The following GNAS variants were observed in gnomAD, a reference collection of about 807,000 sequenced individuals.
The protein encoded by GNAS is protein ALEX.
Under a neutral mutation model 54.5 loss-of-function variants are expected in GNAS, and 8 were observed. The ratio of observed to expected loss-of-function variants is 0.15; its 90% CI spans 0.09 to 0.26. The LOEUF is 0.26. Ranked by LOEUF, GNAS falls within the 10% of genes least tolerant of loss-of-function variation. GNAS has a pLI of 1.00. For missense variants in GNAS, 170 were observed against 529.8 expected, an observed-to-expected ratio of 0.32 and a Z score of 6.67; for synonymous variants, 204 against 191.4, an observed-to-expected ratio of 1.07 and a Z score of -0.54.
At chr20:58,893,872 G>A (rs1250647146) in intron 1 of GNAS, among the ~76,000 whole-genome samples, 4 of 152,240 alleles carry the variant, frequency 2.6e-5, no homozygotes, top group Non-Finnish European at 4.4e-5. Context: ...TGATCACAAA[G>A]TCTCCACTTA....
chr20:58,887,381 T>C (rs1234134527), upstream of GNAS, among the ~76,000 whole-genome samples: 6 of 152,204 alleles, frequency 3.9e-5, no homozygotes, highest in African/African-American at 1.4e-4. Flanking sequence ...CAGCCAGGAA[T>C]TTTTAATTTA....
intron 1 of GNAS, among the ~76,000 whole-genome samples, chr20:58,846,369 T>C (rs762929596): frequency 1.3e-5 from 2 of 152,168 alleles, no homozygotes; most frequent in Non-Finnish European, 2.9e-5. Flanking sequence ...AAGCCAAATA[T>C]GGCATTGGAG....
chr20:58,907,335 G>GCCCCTATGGGCC (rs1291480852), intron 6 of GNAS, among the ~76,000 whole-genome samples: 1 of 152,074 alleles, frequency 6.6e-6, no homozygotes, highest in Non-Finnish European at 1.5e-5. Context: ...GGTCCCTATG[G>GCCCCTATGGGCC]CCCCCAGCCC....
intron 1 of GNAS, among the ~76,000 whole-genome samples, chr20:58,858,272 T>C (rs1313664248): frequency 6.6e-6 from 1 of 152,204 alleles, no homozygotes; most frequent in Non-Finnish European, 1.5e-5. Context: ...ACATGCAGAT[T>C]CATCTGTTGC....
chr20:58,901,369 G>C (rs138620728), intron 3 of GNAS, among the ~76,000 whole-genome samples: 4 of 152,260 alleles, frequency 2.6e-5, no homozygotes, highest in Non-Finnish European at 4.4e-5. Context: ...CGCACAGAGC[G>C]GTCAGGACTC....
upstream of GNAS, chr20:58,840,024 C>T (rs748024920): frequency 6.6e-7 from 1 of 1,520,070 alleles, no homozygotes; most frequent in Non-Finnish European, 9.0e-7. This position sits in a 1 kb window ranked among gnomAD's most constrained non-coding sequence, Gnocchi z 6.0. Context: ...TGTACCTTTC[C>T]CGGCTCCAGC....
chr20:58,840,353 G>T (rs2085670501), upstream of GNAS: 1 of 1,613,228 alleles, frequency 6.2e-7, no homozygotes, highest in Non-Finnish European at 8.5e-7. The surrounding 1 kb of genome is among the most constrained non-coding windows in gnomAD (Gnocchi z 6.0). Context: ...CCCCGAATCG[G>T]AATCTGACCA....
intron 1 of GNAS, among the ~76,000 whole-genome samples, chr20:58,871,254 T>C (rs6026569): frequency 0.015 from 2,335 of 152,242 alleles, 65 homozygotes; most frequent in African/African-American, 0.053. Context: ...CAGTTGTTTA[T>C]TGTTGAAAGA....
chr20:58,855,212 CA>C, intron 1 of GNAS: 1 of 1,599,670 alleles, frequency 6.3e-7, no homozygotes, highest in Non-Finnish European at 8.5e-7. Flanking sequence ...GACAGATGCG[CA>C]AAGAAGCCCT....
intron 3 of GNAS, chr20:58,903,325 G>T (rs995458097): frequency 4.5e-6 from 3 of 659,720 alleles, no homozygotes; most frequent in African/African-American, 1.8e-5. Flanking sequence ...AATCTGCCCC[G>T]ATTGGGCGTG....
At chr20:58,845,346 C>T (rs6026557) in intron 1 of GNAS, among the ~76,000 whole-genome samples, 10 of 151,882 alleles carry the variant, frequency 6.6e-5, no homozygotes, top group African/African-American at 2.4e-4. Flanking sequence ...CTCCCCTCTT[C>T]GCTTCTTCAG....
intron 1 of GNAS, chr20:58,895,251 A>G (rs573665610): frequency 2.8e-6 from 1 of 355,116 alleles, no homozygotes; most frequent in African/African-American, 2.1e-5. Flanking sequence ...ATTCAGTTTC[A>G]CAGTTTTAAC....
At chr20:58,879,722 A>C (rs2088097303) in intron 1 of GNAS, among the ~76,000 whole-genome samples, 2 of 152,196 alleles carry the variant, frequency 1.3e-5, no homozygotes, top group Admixed American at 6.5e-5. Context: ...GAAATGAAGC[A>C]GCAGGCTAGT....
At chr20:58,899,271 T>G (rs1052596702) in intron 3 of GNAS, among the ~76,000 whole-genome samples, 3 of 152,228 alleles carry the variant, frequency 2.0e-5, no homozygotes, top group African/African-American at 7.2e-5. Flanking sequence ...TGAGAATTGA[T>G]GTTTTTCCAT....
intron 1 of GNAS, among the ~76,000 whole-genome samples, chr20:58,866,270 CAGTT>C (rs1215504369): frequency 1.3e-5 from 2 of 152,100 alleles, no homozygotes; most frequent in Non-Finnish European, 2.9e-5. Flanking sequence ...TCAAGACAGA[CAGTT>C]AGATTGCAGG....
intron 3 of GNAS, among the ~76,000 whole-genome samples, chr20:58,899,189 T>C (rs548267310): frequency 1.8e-4 from 27 of 152,360 alleles, no homozygotes; most frequent in African/African-American, 6.0e-4. Context: ...TTTTTGGCCA[T>C]GCTTAAAGTA....
At chr20:58,899,643 C>T (rs895840915) in intron 3 of GNAS, among the ~76,000 whole-genome samples, 2 of 139,098 alleles carry the variant, frequency 1.4e-5, no homozygotes, top group African/African-American at 2.4e-5. Flanking sequence ...TGCATCCCCA[C>T]ACCCATCACA....
At position 58,841,341 on chromosome 20, in the gene GNAS, G is replaced by C; in HGVS notation, c.43+455G>C. 1 of 1,060,442 alleles carries C rather than the reference G, an allele frequency of 9.4e-7. No individual in the cohort carries two copies. Among genetic ancestry groups the C allele is most frequent in the Non-Finnish European group, 1.1e-6 (1 of 876,424 alleles). 65.7% of individuals were successfully genotyped at this position (1,060,442 alleles called of 1,614,324 possible). On this transcript the variant is annotated intron_variant, in intron 1 of 12. Coordinates refer to the GNAS transcript ENST00000306090. This position sits in a 1 kb window ranked among gnomAD's most constrained non-coding sequence, Gnocchi z 5.0. ...GCGCGCGCCAACTTTCACGATGTGA[G>C]AGCAGCCGCGCTGTAGAGACACCGT...
At chr20:58,889,184 G>A, upstream of GNAS, 4 of 1,215,136 alleles carry the variant, frequency 3.3e-6, no homozygotes, top group Non-Finnish European at 4.2e-6. Flanking sequence ...ACACTCAGTC[G>A]CGTCGGCACC....
Sources: allele counts gnomAD v4.1 joint callset (sites outside exome capture counted in the v4.1 genomes callset), GRCh38; gene constraint gnomAD v4.1.1; non-coding constraint Gnocchi (gnomAD v3.1); transcripts MANE v1.5; gene names NCBI Gene and HGNC (gene_info 2026-07-23, HGNC 2026-07-21).